Variants in GRIN2B observed in about 807,000 individuals in gnomAD.
GRIN2B encodes the protein glutamate ionotropic receptor NMDA type subunit 2B, also known as glutamate receptor ionotropic, NMDA 2B.
Under a neutral mutation model 114.5 loss-of-function variants are expected in GRIN2B, and 5 were observed. The ratio of observed to expected loss-of-function variants is 0.04; its 90% confidence interval spans 0.02 to 0.09. The LOEUF (loss-of-function observed/expected upper bound fraction) is 0.09, where lower values mean the gene tolerates loss of function less well. Ranked by LOEUF, GRIN2B falls within the 10% of genes least tolerant of loss-of-function variation. The pLI is 1.00. For synonymous variants in GRIN2B, 787 were observed against 745.1 expected (o/e 1.06, Z -0.92); for missense variants, 1,108 against 1,943.5 (o/e 0.57, Z 8.08).
chr12:13,879,355 G>C (rs1252537451), intron 2 of GRIN2B, among the ~76,000 whole-genome samples: 1 of 152,122 alleles, frequency 6.6e-6, no homozygotes, highest in East Asian at 1.9e-4. Flanking sequence ...TAACATAGAA[G>C]ATGTGCAGTA....
At chr12:13,788,559 G>A (rs1010641962) in intron 3 of GRIN2B, among the ~76,000 whole-genome samples, 4 of 152,152 alleles carry the variant, frequency 2.6e-5, no homozygotes, top group South Asian at 2.1e-4. Context: ...ACCAAGGGAA[G>A]GAAAAATTAA....
At chr12:13,676,845 G>A (rs909529842) in intron 4 of GRIN2B, among the ~76,000 whole-genome samples, 4 of 152,082 alleles carry the variant, frequency 2.6e-5, no homozygotes, top group Non-Finnish European at 4.4e-5. Context: ...CTATGTATAG[G>A]GAACAGAAAA....
rs566058241 is a variant in GRIN2B, at chr12:13,551,393, A to G, written c.*11390T>C. On this transcript the variant is annotated 3_prime_UTR_variant, in exon 14 of 14. Coordinates refer to ENST00000609686, the MANE Select transcript of GRIN2B (RefSeq NM_000834.5). Reference sequence around the variant, plus strand: ...ACCAGTCCATCAACAGGACCTTAGAAGGCCACATGGATTCCATAGGGTAAA... The same window carrying G: ...ACCAGTCCATCAACAGGACCTTAGAGGGCCACATGGATTCCATAGGGTAAA... 7 of 152,286 alleles carry G rather than the reference A, an allele frequency of 4.6e-5. No homozygotes were observed. Among genetic ancestry groups the G allele is most frequent in the Non-Finnish European group, 1.0e-4 (7 of 68,010 alleles). 9.4% of individuals were successfully genotyped at this position (152,286 alleles called of 1,614,324 possible). A position where few individuals can be genotyped will look rare whatever the true frequency, so the allele number is the denominator to read the frequency against.
At chr12:13,842,332 C>T (rs1267733938) in intron 3 of GRIN2B, among the ~76,000 whole-genome samples, 1 of 152,184 alleles carries the variant, frequency 6.6e-6, no homozygotes, top group Non-Finnish European at 1.5e-5. Context: ...TTTTGATATG[C>T]ATTATTTTTC....
chr12:13,895,127 G>T (rs1430243009), intron 2 of GRIN2B, among the ~76,000 whole-genome samples: 1 of 152,164 alleles, frequency 6.6e-6, no homozygotes, highest in East Asian at 1.9e-4. Flanking sequence ...GACTTGAATG[G>T]TTTGATTCAG....
intron 4 of GRIN2B, among the ~76,000 whole-genome samples, chr12:13,703,201 G>T (rs1165396616): frequency 6.6e-6 from 1 of 152,114 alleles, no homozygotes; most frequent in Non-Finnish European, 1.5e-5. Flanking sequence ...TTCTTTAAGT[G>T]ATTTCACTCC....
At chr12:13,906,071 A>G (rs1028996449) in intron 2 of GRIN2B, among the ~76,000 whole-genome samples, 1 of 152,122 alleles carries the variant, frequency 6.6e-6, no homozygotes, top group African/African-American at 2.4e-5. Flanking sequence ...AGAGCTCCCA[A>G]TACTTTTCTT....
At chr12:13,885,917 G>A (rs1377728118) in intron 2 of GRIN2B, among the ~76,000 whole-genome samples, 1 of 152,126 alleles carries the variant, frequency 6.6e-6, no homozygotes, top group African/African-American at 2.4e-5. Context: ...GGCAAAATTG[G>A]CCAATATTTA....
At chr12:13,858,786 G>A (rs568496307) in intron 3 of GRIN2B, among the ~76,000 whole-genome samples, 1 of 152,192 alleles carries the variant, frequency 6.6e-6, no homozygotes, top group South Asian at 2.1e-4. Context: ...TATCCTATGT[G>A]TATCAGTTTG....
chr12:13,932,987 G>GCA (rs1867064572), intron 2 of GRIN2B, among the ~76,000 whole-genome samples: 11 of 92,118 alleles, frequency 1.2e-4, no homozygotes, highest in East Asian at 4.0e-4. Flanking sequence ...GTGTGTGTGT[G>GCA]CGTGTGCGTG....
chr12:13,719,547 A>G (rs1565512422), intron 4 of GRIN2B, among the ~76,000 whole-genome samples: 1 of 152,084 alleles, frequency 6.6e-6, no homozygotes, highest in African/African-American at 2.4e-5. Context: ...GAGAAGCTAC[A>G]TGGTGGTACC....
intron 2 of GRIN2B, among the ~76,000 whole-genome samples, chr12:13,893,587 C>CAGTG (rs1198860010): frequency 6.6e-6 from 1 of 152,152 alleles, no homozygotes; most frequent in African/African-American, 2.4e-5. Flanking sequence ...TGAGACCCCA[C>CAGTG]AGTGACCTGG....
At chr12:13,831,066 A>T in intron 3 of GRIN2B, among the ~76,000 whole-genome samples, 1 of 152,130 alleles carries the variant, frequency 6.6e-6, no homozygotes, top group East Asian at 1.9e-4. Flanking sequence ...TCACCCTAAG[A>T]GCAGGTTGTT....
chr12:13,902,421 T>A (rs1866466619), intron 2 of GRIN2B, among the ~76,000 whole-genome samples: 1 of 152,182 alleles, frequency 6.6e-6, no homozygotes, highest in Admixed American at 6.5e-5. Flanking sequence ...TATTTTTTGG[T>A]CTTTGCAGAT....
At chr12:13,947,348 T>C (rs1867380145) in intron 2 of GRIN2B, among the ~76,000 whole-genome samples, 1 of 152,190 alleles carries the variant, frequency 6.6e-6, no homozygotes, top group Non-Finnish European at 1.5e-5. Flanking sequence ...TATAGCAATG[T>C]AGGCTGCATG....
intron 4 of GRIN2B, among the ~76,000 whole-genome samples, chr12:13,744,769 T>G (rs1050314201): frequency 1.4e-4 from 22 of 152,120 alleles, no homozygotes; most frequent in Non-Finnish European, 2.9e-5. Flanking sequence ...ACCAGCCAGC[T>G]CAGCTTGGAG....
At chr12:13,679,794 T>C (rs370484296) in intron 4 of GRIN2B, among the ~76,000 whole-genome samples, 185 of 152,140 alleles carry the variant, frequency 1.2e-3, no homozygotes, top group African/African-American at 4.2e-3. Flanking sequence ...GAAAAAATAA[T>C]TGGGGGTGTG....
intron 4 of GRIN2B, among the ~76,000 whole-genome samples, chr12:13,736,408 C>T (rs1056422597): frequency 2.0e-5 from 3 of 152,102 alleles, no homozygotes; most frequent in African/African-American, 7.2e-5. Context: ...AAAGGAAACC[C>T]CTGTCAAGTG....
rs1376523744 is a variant in GRIN2B at position 13,616,442 on chromosome 12, G to C, written c.1328+13C>G. The C allele has an allele frequency of 6.2e-7, 1 of 1,603,494 alleles. No individual in the cohort carries two copies. Among genetic ancestry groups the C allele is most frequent in the Non-Finnish European group, 8.5e-7 (1 of 1,171,280 alleles). On this transcript the variant is annotated intron_variant, in intron 6 of 13. Transcript: ENST00000609686. The stretch of plus-strand genomic sequence containing the variant: ...CTCCCATGCCACCCAAAGTCATTGA[G>C]AGGATGCCATACTCAGTGACTATGC...
Sources: allele counts gnomAD v4.1 joint callset (sites outside exome capture counted in the v4.1 genomes callset), GRCh38; gene constraint gnomAD v4.1.1; transcripts MANE v1.5; gene names NCBI Gene and HGNC (gene_info 2026-07-23, HGNC 2026-07-21).